Variants in IGF2BP3 observed in about 807,000 individuals in gnomAD.
IGF2BP3 encodes the protein insulin-like growth factor 2 mRNA-binding protein 3.
A neutral mutation model predicts 73.8 loss-of-function variants in IGF2BP3; 9 were observed. That is an observed-to-expected ratio of 0.12 (90% CI 0.07 to 0.21). The LOEUF (loss-of-function observed/expected upper bound fraction) is 0.21, where lower values mean the gene tolerates loss of function less well. Among genes scored for constraint, IGF2BP3 ranks in the 10% least tolerant of loss-of-function variants. The pLI is 1.00. For synonymous variants in IGF2BP3, 258 were observed against 256.7 expected (o/e 1.01, Z -0.05); for missense variants, 542 against 714.0 (o/e 0.76, Z 2.75).
At chr7:23,338,092 G>C (rs1254347846) in intron 10 of IGF2BP3, among the ~76,000 whole-genome samples, 1 of 152,114 alleles carries the variant, frequency 6.6e-6, no homozygotes, top group Non-Finnish European at 1.5e-5. Flanking sequence ...AATAGAGTTA[G>C]AAGGGTAAAA....
intron 2 of IGF2BP3, among the ~76,000 whole-genome samples, chr7:23,430,855 T>G (rs1787656141): frequency 6.6e-6 from 1 of 152,208 alleles, no homozygotes; most frequent in Admixed American, 6.5e-5. Flanking sequence ...AAGGCTTAGC[T>G]GTCTGTAAAT....
intron 2 of IGF2BP3, among the ~76,000 whole-genome samples, chr7:23,465,247 A>T (rs775201096): frequency 2.8e-4 from 42 of 152,214 alleles, no homozygotes; most frequent in Non-Finnish European, 1.2e-4. Flanking sequence ...GAGGGAAAAA[A>T]GTTGAGCCTA....
intron 3 of IGF2BP3, among the ~76,000 whole-genome samples, chr7:23,389,396 G>A (rs1302121960): frequency 6.6e-6 from 1 of 152,024 alleles, no homozygotes; most frequent in African/African-American, 2.4e-5. Context: ...TCGTGACCTG[G>A]TGATCTGCCC....
At chr7:23,421,147 T>C (rs1185870880) in intron 2 of IGF2BP3, among the ~76,000 whole-genome samples, 2 of 152,012 alleles carry the variant, frequency 1.3e-5, no homozygotes, top group Non-Finnish European at 2.9e-5. Flanking sequence ...GTAGCTGGGA[T>C]TGCAGGCATG....
At chr7:23,460,004 G>A (rs534128700) in intron 2 of IGF2BP3, among the ~76,000 whole-genome samples, 51 of 150,138 alleles carry the variant, frequency 3.4e-4, no homozygotes, top group African/African-American at 1.1e-3. Flanking sequence ...CAAAGTGGGA[G>A]GACCGCTTGA....
At chr7:23,366,410 T>C (rs573443499) in intron 3 of IGF2BP3, among the ~76,000 whole-genome samples, 82 of 152,292 alleles carry the variant, frequency 5.4e-4, no homozygotes, top group Non-Finnish European at 9.3e-4. Flanking sequence ...AGTGATGGGA[T>C]TACAGGTGTG....
rs1392284280 is a variant in IGF2BP3 at position 23,470,115 on chromosome 7, AAG to A, written c.-7_-6del. On this transcript the variant is annotated 5_prime_UTR_variant, in exon 1 of 15. Coordinates refer to ENST00000258729, the MANE Select transcript of IGF2BP3 (RefSeq NM_006547.3). ...TCCGATATACAGTTTGTTCATTGTG[AAG>A]AGTGGTTGTTTAAAAAAAAATAACG... 1.9e-6 allele frequency: 3 copies of A among 1,592,954 alleles called. No homozygotes were observed. Among genetic ancestry groups the A allele is most frequent in the Non-Finnish European group, 2.6e-6 (3 of 1,172,098 alleles).
rs1478783336 is a variant in IGF2BP3, at chr7:23,394,270, C to T, written c.285+24506G>A. Among the ~76,000 whole-genome samples the T allele has an allele frequency of 5.3e-5, 8 of 152,090 alleles. No homozygotes were observed. The East Asian group carries it at 7.7e-4, about 15-fold the overall frequency. On this transcript the variant is annotated intron_variant, in intron 3 of 14. Transcript: ENST00000258729. ...GTGTATAAGCCCAGGAGTTGGAGAC[C>T]GGCCTGAACAACATGGCGAAACCCT...
intron 10 of IGF2BP3, among the ~76,000 whole-genome samples, chr7:23,325,542 T>G (rs900201380): frequency 7.2e-5 from 11 of 152,184 alleles, no homozygotes; most frequent in African/African-American, 2.7e-4. Context: ...AAGCTACCAA[T>G]GACTTTCTTC....
intron 2 of IGF2BP3, among the ~76,000 whole-genome samples, chr7:23,433,317 A>G (rs1317307775): frequency 1.3e-5 from 2 of 152,186 alleles, no homozygotes; most frequent in African/African-American, 2.4e-5. Context: ...TAAAGAAGCC[A>G]CTAGCCACAT....
chr7:23,396,268 G>A (rs985629525), intron 3 of IGF2BP3, among the ~76,000 whole-genome samples: 1 of 151,872 alleles, frequency 6.6e-6, no homozygotes, highest in East Asian at 1.9e-4. Flanking sequence ...GTAGGGGGCA[G>A]GGAGGGGTGC....
intron 3 of IGF2BP3, among the ~76,000 whole-genome samples, chr7:23,376,760 C>T (rs548727305): frequency 2.0e-5 from 3 of 152,142 alleles, no homozygotes; most frequent in Admixed American, 6.6e-5. Context: ...CCCAGCTACA[C>T]GACAGGCTGA....
intron 10 of IGF2BP3, among the ~76,000 whole-genome samples, chr7:23,339,397 C>T (rs929969243): frequency 1.3e-5 from 2 of 152,170 alleles, no homozygotes; most frequent in East Asian, 1.9e-4. Context: ...ATTTTTCTAA[C>T]ATAGGAACCT....
At chr7:23,411,431 A>T (rs1787016565) in intron 3 of IGF2BP3, among the ~76,000 whole-genome samples, 1 of 151,988 alleles carries the variant, frequency 6.6e-6, no homozygotes, top group Non-Finnish European at 1.5e-5. Context: ...AAAATACAAA[A>T]ATTATCCGGG....
rs544293154 is a variant in IGF2BP3 at position 23,462,263 on chromosome 7, T to C, written c.236+6219A>G. ...CTGATATACCATAACCACAATAGAA[T>C]CAGCTCCCTCAACAACTAATAATAA... On this transcript the variant is annotated intron_variant, in intron 2 of 14. Transcript: ENST00000258729. 3.1e-3 allele frequency among the ~76,000 whole-genome samples: 469 copies of C among 152,264 alleles called. 1 individual carries two copies. The highest frequency in any genetic ancestry group is 5.1e-3 in the Non-Finnish European group (347 of 68,022).
chr7:23,449,720 G>A (rs1383157182), intron 2 of IGF2BP3, among the ~76,000 whole-genome samples: 2 of 151,504 alleles, frequency 1.3e-5, no homozygotes, highest in South Asian at 2.1e-4. Flanking sequence ...ACCACACCCC[G>A]CTCATTTTTT....
intron 3 of IGF2BP3, among the ~76,000 whole-genome samples, chr7:23,400,825 A>G (rs762443219): frequency 6.6e-6 from 1 of 152,178 alleles, no homozygotes; most frequent in Non-Finnish European, 1.5e-5. Context: ...TCTGAGATGG[A>G]GCCTTGCTCT....
At chr7:23,349,583 G>A (rs1468128976) in intron 6 of IGF2BP3, among the ~76,000 whole-genome samples, 5 of 152,100 alleles carry the variant, frequency 3.3e-5, no homozygotes, top group Admixed American at 3.3e-4. Flanking sequence ...GATCCCCTGA[G>A]AGAAAGGAAT....
At chr7:23,319,010 T>G in intron 11 of IGF2BP3, 128 bp downstream of exon 11, 1 of 642,552 alleles carries the variant, frequency 1.6e-6, no homozygotes, top group Middle Eastern at 4.6e-4. Flanking sequence ...TGTTTGGGGG[T>G]TTCTTCATAT....
Sources: gnomAD v4.1 joint callset for allele counts (sites outside exome capture counted in the v4.1 genomes callset) on GRCh38, gnomAD v4.1.1 for gene constraint, MANE v1.5 for transcripts, NCBI Gene and HGNC (gene_info 2026-07-23, HGNC 2026-07-21) for gene names.